The following APPBP2 variants were observed in gnomAD, a reference collection of about 807,000 sequenced individuals.
APPBP2 encodes amyloid beta precursor protein binding protein 2.
APPBP2 carries 15 observed loss-of-function variants against 76.0 expected under a neutral mutation model. The ratio of observed to expected loss-of-function variants is 0.20; its 90% confidence interval spans 0.13 to 0.30. APPBP2 has a LOEUF of 0.30. Among genes scored for constraint, APPBP2 ranks in the 10% least tolerant of loss-of-function variants. APPBP2 has a pLI of 1.00. For synonymous variants in APPBP2, 222 were observed against 242.2 expected (o/e 0.92, Z 0.77); for missense variants, 401 against 687.2 (o/e 0.58, Z 4.66).
intron 1 of APPBP2, among the ~76,000 whole-genome samples, chr17:60,516,104 A>G (rs762650895): frequency 4.6e-5 from 7 of 152,072 alleles, no homozygotes; most frequent in Non-Finnish European, 8.8e-5. Context: ...CAGAGGTTGC[A>G]GTGAGCAGAG....
chr17:60,500,984 G>A (rs2090818704), intron 1 of APPBP2, among the ~76,000 whole-genome samples: 1 of 152,056 alleles, frequency 6.6e-6, no homozygotes, highest in Admixed American at 6.6e-5. Context: ...TGCCATAATC[G>A]TTTATACATT....
At chr17:60,506,234 T>C (rs1343080368) in intron 1 of APPBP2, among the ~76,000 whole-genome samples, 1 of 152,050 alleles carries the variant, frequency 6.6e-6, no homozygotes, top group Non-Finnish European at 1.5e-5. Context: ...GCTCAAGTGA[T>C]ACTCCCACCT....
At chr17:60,472,373 T>C (rs564230392) in intron 4 of APPBP2, among the ~76,000 whole-genome samples, 7 of 152,210 alleles carry the variant, frequency 4.6e-5, no homozygotes, top group Non-Finnish European at 7.3e-5. Context: ...TATTTCTTCT[T>C]GGGGCATTTA....
At chr17:60,523,214 C>T (rs1211245194) in intron 1 of APPBP2, among the ~76,000 whole-genome samples, 1 of 152,022 alleles carries the variant, frequency 6.6e-6, no homozygotes, top group African/African-American at 2.4e-5. Context: ...AGTAAGCCTC[C>T]TAAAATTTTC....
chr17:60,506,128 C>T (rs1189543841), intron 1 of APPBP2, among the ~76,000 whole-genome samples: 1 of 151,958 alleles, frequency 6.6e-6, no homozygotes, highest in African/African-American at 2.4e-5. Flanking sequence ...GTAGCTGGTA[C>T]TACAGGCATG....
intron 5 of APPBP2, among the ~76,000 whole-genome samples, chr17:60,465,994 C>G (rs2090507985): frequency 6.6e-6 from 1 of 152,070 alleles, no homozygotes; most frequent in Non-Finnish European, 1.5e-5. Context: ...GTGTGCTACA[C>G]ATGCGGCTAA....
At chr17:60,520,996 A>G (rs1329146207) in intron 1 of APPBP2, among the ~76,000 whole-genome samples, 1 of 152,160 alleles carries the variant, frequency 6.6e-6, no homozygotes, top group African/African-American at 2.4e-5. Context: ...GCACGACCGC[A>G]GCTAGCACCC....
At chr17:60,502,207 G>A (rs1188946967) in intron 1 of APPBP2, among the ~76,000 whole-genome samples, 3 of 152,330 alleles carry the variant, frequency 2.0e-5, no homozygotes, top group East Asian at 1.9e-4. Flanking sequence ...GGTTACAGGC[G>A]TGAGCCACTG....
chr17:60,500,162 C>T (rs1025288002), intron 2 of APPBP2, among the ~76,000 whole-genome samples: 2 of 152,080 alleles, frequency 1.3e-5, no homozygotes, highest in African/African-American at 2.4e-5. Flanking sequence ...AGGCGCCTAC[C>T]ACCACGCCCA....
In APPBP2 at chr17:60,524,798, T is replaced by A. The variant is rs535522570; in HGVS notation, c.138+996A>T. ...TTTAAGGTCTAAAAAATAAATTACATTCTACTTTTAGTCACATTTTGCATG... is the reference window on the plus strand; with the variant it reads ...TTTAAGGTCTAAAAAATAAATTACAATCTACTTTTAGTCACATTTTGCATG... On this transcript the variant is annotated intron_variant, in intron 1 of 12. Transcript: ENST00000083182. Among the ~76,000 whole-genome samples the A allele has an allele frequency of 2.3e-3, 350 of 152,304 alleles. 11 individuals carry two copies. The South Asian group carries it at 0.037, about 16-fold the overall frequency.
chr17:60,488,926 T>C (rs1041419159), intron 3 of APPBP2, among the ~76,000 whole-genome samples: 1 of 152,106 alleles, frequency 6.6e-6, no homozygotes, highest in African/African-American at 2.4e-5. Flanking sequence ...TAAGACTATT[T>C]AAAAAATAAA....
chr17:60,513,746 C>G (rs548672777), intron 1 of APPBP2, among the ~76,000 whole-genome samples: 2 of 151,438 alleles, frequency 1.3e-5, no homozygotes, highest in East Asian at 3.9e-4. Context: ...GCCTGTAATC[C>G]CAGCTACTCG....
At chr17:60,519,778 A>ATTTT (rs748167583) in intron 1 of APPBP2, among the ~76,000 whole-genome samples, 10 of 117,830 alleles carry the variant, frequency 8.5e-5, no homozygotes, top group Non-Finnish European at 1.4e-4. Context: ...GCCAAATTTA[A>ATTTT]TTTTTTTTTT....
At chr17:60,476,409 A>G (rs533618446) in intron 4 of APPBP2, among the ~76,000 whole-genome samples, 2 of 152,336 alleles carry the variant, frequency 1.3e-5, no homozygotes, top group Admixed American at 1.3e-4. Flanking sequence ...ATTCAATTAA[A>G]CACATGGTCA....
At chr17:60,512,709 C>T (rs1423638321) in intron 1 of APPBP2, among the ~76,000 whole-genome samples, 1 of 151,310 alleles carries the variant, frequency 6.6e-6, no homozygotes, top group African/African-American at 2.4e-5. Flanking sequence ...ATGGCACGCA[C>T]CTGTAGTCCC....
At chr17:60,449,511 G>A (rs926629687) in intron 12 of APPBP2, among the ~76,000 whole-genome samples, 13 of 152,222 alleles carry the variant, frequency 8.5e-5, no homozygotes, top group African/African-American at 2.2e-4. Context: ...CAGGAGAATC[G>A]CTTGAACCCA....
intron 11 of APPBP2, among the ~76,000 whole-genome samples, chr17:60,452,870 G>A (rs1375602617): frequency 6.6e-6 from 1 of 152,166 alleles, no homozygotes; most frequent in Non-Finnish European, 1.5e-5. Flanking sequence ...GGAGGTTGAG[G>A]CTGTAGTGAG....
chr17:60,449,344 C>A (rs1170286097), intron 12 of APPBP2, among the ~76,000 whole-genome samples: 1 of 152,196 alleles, frequency 6.6e-6, no homozygotes, highest in East Asian at 1.9e-4. Context: ...GTAATCCCAG[C>A]ACTTTGGGAG....
intron 1 of APPBP2, among the ~76,000 whole-genome samples, chr17:60,520,220 C>T (rs2090997421): frequency 6.6e-6 from 1 of 152,066 alleles, no homozygotes; most frequent in Non-Finnish European, 1.5e-5. Flanking sequence ...TGGTTTTCAG[C>T]ATGGTATTTA....
Sources: allele counts gnomAD v4.1 joint callset (sites outside exome capture counted in the v4.1 genomes callset), GRCh38; gene constraint gnomAD v4.1.1; transcripts MANE v1.5; gene names NCBI Gene and HGNC (gene_info 2026-07-23, HGNC 2026-07-21).